The following MALRD1 variants were observed in gnomAD, a reference collection of about 807,000 sequenced individuals.
The protein encoded by MALRD1 is MAM and LDL receptor class A domain containing 1.
In MALRD1, 247 loss-of-function variants were observed where a neutral mutation model predicts 242.1. The ratio of observed to expected loss-of-function variants is 1.02; its 90% confidence interval spans 0.92 to 1.13. The LOEUF (loss-of-function observed/expected upper bound fraction) is 1.13. MALRD1 is among the 50% of genes most tolerant of loss of function. MALRD1 has a pLI of 0.00. For missense variants in MALRD1, 2,989 were observed against 2,533.1 expected, an observed-to-expected ratio of 1.18 and a Z score of -3.86; for synonymous variants, 995 against 866.6, an observed-to-expected ratio of 1.15 and a Z score of -2.60.
chr10:19,616,868 A>G (rs1408747657), intron 36 of MALRD1, among the ~76,000 whole-genome samples: 1 of 152,002 alleles, frequency 6.6e-6, no homozygotes, highest in East Asian at 1.9e-4. Flanking sequence ...AGTTTCTTGG[A>G]ACTCTTTTCT....
At chr10:19,531,155 A>G (rs754051921) in intron 31 of MALRD1, 39 bp from the exon 32 acceptor site, 3 of 1,508,028 alleles carry the variant, frequency 2.0e-6, no homozygotes, top group South Asian at 1.2e-5. Flanking sequence ...ATGCGATATT[A>G]TCATTACACT....
intron 14 of MALRD1, among the ~76,000 whole-genome samples, chr10:19,182,324 A>T (rs1198142464): frequency 1.4e-3 from 116 of 81,910 alleles, no homozygotes; most frequent in South Asian, 2.4e-3. Context: ...CAAAACCTAC[A>T]TTTTTTTTTT....
chr10:19,327,729 C>T, intron 23 of MALRD1, 56 bp downstream of exon 23: 2 of 1,329,142 alleles, frequency 1.5e-6, no homozygotes, highest in Admixed American at 4.0e-5. Context: ...TTTTCATCCT[C>T]ATTTATTTCC....
chr10:19,098,822 G>A (rs933754732), intron 4 of MALRD1, among the ~76,000 whole-genome samples: 1 of 152,066 alleles, frequency 6.6e-6, no homozygotes, highest in Non-Finnish European at 1.5e-5. Flanking sequence ...GCAGAGAGAG[G>A]GGTCCTGAAT....
At chr10:19,079,510 A>C (rs1052623796) in intron 2 of MALRD1, among the ~76,000 whole-genome samples, 10 of 151,862 alleles carry the variant, frequency 6.6e-5, no homozygotes, top group Admixed American at 5.9e-4. Context: ...GGTTTATAGA[A>C]TTGCTCAAGT....
At chr10:19,684,321 T>G (rs954216112) in intron 36 of MALRD1, among the ~76,000 whole-genome samples, 1 of 152,200 alleles carries the variant, frequency 6.6e-6, no homozygotes, top group Admixed American at 6.5e-5. Flanking sequence ...GAGAAAGCAT[T>G]TAGAATCTTG....
At chr10:19,333,142 A>T (rs1180659472) in intron 24 of MALRD1, among the ~76,000 whole-genome samples, 1 of 145,790 alleles carries the variant, frequency 6.9e-6, no homozygotes, top group African/African-American at 2.7e-5. Flanking sequence ...CTTCTTTTTA[A>T]AAAAAAAAAA....
intron 4 of MALRD1, among the ~76,000 whole-genome samples, chr10:19,095,654 T>C (rs1836000678): frequency 6.6e-6 from 1 of 152,196 alleles, no homozygotes; most frequent in Non-Finnish European, 1.5e-5. Flanking sequence ...TATGTGTCCC[T>C]GGGCCCTGAA....
rs577098167 is a variant in MALRD1 at position 19,078,313 on chromosome 10, G to A, written c.341-9527G>A. 4.0e-5 allele frequency among the ~76,000 whole-genome samples: 6 copies of A among 151,794 alleles called. No individual in the cohort carries two copies. The East Asian group carries it at 1.2e-3, about 30-fold the overall frequency. On this transcript the variant is annotated intron_variant, in intron 2 of 39. Transcript: ENST00000454679. The stretch of plus-strand genomic sequence containing the variant: ...TATCTTTTTTTGCATCTATTGACAT[G>A]GTCGTTTGTTTTTTGTTCTTTACTT...
chr10:19,729,989 G>C (rs1330323796), intron 38 of MALRD1, among the ~76,000 whole-genome samples: 2 of 151,530 alleles, frequency 1.3e-5, no homozygotes, highest in South Asian at 2.1e-4. Context: ...CGCCCGCCTC[G>C]GCCTCCCGAA....
chr10:19,364,452 A>G lies in MALRD1; in HGVS notation c.4441+12155A>G, dbSNP rs537871849. On this transcript the variant is annotated intron_variant, in intron 26 of 39. Transcript: ENST00000454679. ...CAAAAGACTACATTTTTAATGTCCT[A>G]AGTAATATATGTGTTTGTGTTTCTG... 2.0e-5 allele frequency among the ~76,000 whole-genome samples: 3 copies of G among 152,266 alleles called. No individual in the cohort carries two copies. The East Asian group carries it at 5.8e-4, about 29-fold the overall frequency.
intron 29 of MALRD1, among the ~76,000 whole-genome samples, chr10:19,486,793 C>T (rs749266356): frequency 6.6e-6 from 1 of 152,082 alleles, no homozygotes; most frequent in African/African-American, 2.4e-5. Context: ...GTGTACAAAA[C>T]GATTTTAATC....
chr10:19,644,753 G>T (rs1338802106), intron 36 of MALRD1, among the ~76,000 whole-genome samples: 1 of 152,172 alleles, frequency 6.6e-6, no homozygotes, highest in East Asian at 1.9e-4. Flanking sequence ...GTTACTTTCA[G>T]ATGGTGAATT....
intron 4 of MALRD1, 63 bp downstream of exon 4, chr10:19,088,248 C>T (rs1051856589): frequency 1.9e-5 from 23 of 1,202,836 alleles, no homozygotes; most frequent in Non-Finnish European, 2.4e-5. Flanking sequence ...TCTTTAACAC[C>T]AGGTGAACTA....
intron 32 of MALRD1, among the ~76,000 whole-genome samples, chr10:19,535,542 C>CAT (rs1206879402): frequency 1.4e-5 from 2 of 147,586 alleles, no homozygotes; most frequent in African/African-American, 2.5e-5. Context: ...TATACATATA[C>CAT]ATATATATAC....
chr10:19,251,148 G>A (rs534456992), intron 18 of MALRD1, among the ~76,000 whole-genome samples: 5 of 151,978 alleles, frequency 3.3e-5, no homozygotes, highest in African/African-American at 1.2e-4. Flanking sequence ...ATTCCAGTGT[G>A]CAGATACATT....
At chr10:19,510,559 C>G (rs947964498) in intron 31 of MALRD1, among the ~76,000 whole-genome samples, 2 of 152,122 alleles carry the variant, frequency 1.3e-5, no homozygotes, top group Admixed American at 1.3e-4. Flanking sequence ...TTTAACAAAG[C>G]ACATCCTGCA....
At chr10:19,127,873 TA>T (rs1465323109) in intron 7 of MALRD1, among the ~76,000 whole-genome samples, 3 of 152,084 alleles carry the variant, frequency 2.0e-5, no homozygotes, top group Admixed American at 6.6e-5. Flanking sequence ...AATTCTTGAT[TA>T]AAAAAAGGAT....
At chr10:19,322,371 T>A (rs1326834953) in intron 21 of MALRD1, among the ~76,000 whole-genome samples, 1 of 152,134 alleles carries the variant, frequency 6.6e-6, no homozygotes, top group Non-Finnish European at 1.5e-5. Context: ...AACTCATAAC[T>A]CTGTGGTTTG....
Sources: allele counts gnomAD v4.1 joint callset (sites outside exome capture counted in the v4.1 genomes callset), GRCh38; gene constraint gnomAD v4.1.1; transcripts MANE v1.5; gene names NCBI Gene and HGNC (gene_info 2026-07-23, HGNC 2026-07-21).